The following SELENOI variants were observed in gnomAD, a reference collection of about 807,000 sequenced individuals.
The protein encoded by SELENOI is selenoprotein I, also known as ethanolaminephosphotransferase 1.
SELENOI carries 24 observed loss-of-function variants against 50.7 expected under a neutral mutation model. The ratio of observed to expected loss-of-function variants is 0.47; its 90% confidence interval spans 0.34 to 0.67. The LOEUF (loss-of-function observed/expected upper bound fraction) is 0.67. Among genes scored for constraint, SELENOI ranks in the 30% least tolerant of loss-of-function variants. SELENOI has a pLI of 0.01. For synonymous variants in SELENOI, 155 were observed against 170.2 expected, an observed-to-expected ratio of 0.91 and a Z score of 0.70; for missense variants, 352 against 461.4, an observed-to-expected ratio of 0.76 and a Z score of 2.17.
At position 26,392,110 on chromosome 2, in the gene SELENOI, A is replaced by G. The variant is rs2147966706; in HGVS notation, c.*3007A>G. The G allele has an allele frequency of 6.6e-6, 1 of 152,330 alleles. No homozygotes were observed. Among genetic ancestry groups the G allele is most frequent in the South Asian group, 2.1e-4 (1 of 4,830 alleles). 9.4% of individuals were successfully genotyped at this position (152,330 alleles called of 1,614,324 possible). ...ATACCATCATGTTATTTATTCTAAT[A>G]TAGAGGCATTGAGAGGAGGGGAGTG... is the stretch of plus-strand genomic sequence containing the variant. On this transcript the variant is annotated 3_prime_UTR_variant, in exon 10 of 10. Transcript: ENST00000260585.
At chr2:26,372,606 A>C (rs191583765) in intron 4 of SELENOI, among the ~76,000 whole-genome samples, 9 of 152,384 alleles carry the variant, frequency 5.9e-5, no homozygotes, top group Admixed American at 5.9e-4. Flanking sequence ...TTATGATTTC[A>C]AACAGGATAG....
chr2:26,347,580 A>C (rs1676824930), intron 1 of SELENOI, among the ~76,000 whole-genome samples: 1 of 152,118 alleles, frequency 6.6e-6, no homozygotes, highest in South Asian at 2.1e-4. Context: ...CTTCTTGGTA[A>C]CTCGGGCCAG....
intron 6 of SELENOI, among the ~76,000 whole-genome samples, chr2:26,379,878 T>C: frequency 6.6e-6 from 1 of 152,214 alleles, no homozygotes; most frequent in East Asian, 1.9e-4. Context: ...TGACACAGAA[T>C]ACTCATTTGC....
At chr2:26,360,838 C>T (rs1051636476) in intron 1 of SELENOI, among the ~76,000 whole-genome samples, 1 of 152,150 alleles carries the variant, frequency 6.6e-6, no homozygotes, top group Non-Finnish European at 1.5e-5. Flanking sequence ...GACTTAAATT[C>T]AGGCAGTCCT....
intron 1 of SELENOI, among the ~76,000 whole-genome samples, chr2:26,356,195 G>C (rs1677060870): frequency 6.6e-6 from 1 of 152,046 alleles, no homozygotes; most frequent in African/African-American, 2.4e-5. Context: ...ATCTCCCTCT[G>C]TTGCCCAGGC....
chr2:26,386,573 CT>C, intron 9 of SELENOI, 37 bp downstream of exon 9: 1 of 1,462,626 alleles, frequency 6.8e-7, no homozygotes, highest in Non-Finnish European at 9.1e-7. Flanking sequence ...CAATTTGGGG[CT>C]TATAAATGGC....
At chr2:26,388,060 C>A (rs1456229391) in intron 9 of SELENOI, among the ~76,000 whole-genome samples, 4 of 152,096 alleles carry the variant, frequency 2.6e-5, no homozygotes, top group Admixed American at 2.6e-4. Context: ...AAACTAGATA[C>A]AATTGTTAAG....
In SELENOI at chr2:26,346,225, G is replaced by C; in HGVS notation, c.-8G>C. 6.2e-7 allele frequency: 1 copy of C among 1,613,650 alleles called. No homozygotes were observed. On this transcript the variant is annotated 5_prime_UTR_variant, in exon 1 of 10. Transcript: ENST00000260585. The stretch of plus-strand genomic sequence containing the variant: ...GCTGCCGAGTGGGCGCTCAGTTTTC[G>C]GGTCGTCATGGCTGGCTACGAATAC...
intron 4 of SELENOI, among the ~76,000 whole-genome samples, chr2:26,368,035 A>T (rs1250500566): frequency 6.6e-6 from 1 of 152,182 alleles, no homozygotes; most frequent in African/African-American, 2.4e-5. Context: ...TATCGTAGAC[A>T]CTCGGTACAT....
intron 1 of SELENOI, among the ~76,000 whole-genome samples, chr2:26,352,783 C>T (rs1322458582): frequency 7.4e-6 from 1 of 134,736 alleles, no homozygotes; most frequent in Non-Finnish European, 1.6e-5. Context: ...GACTTCATCT[C>T]AATAATAATA....
In SELENOI at chr2:26,367,227, A is replaced by G; in HGVS notation, c.310+7A>G. On this transcript the variant is annotated splice_region_variant and intron_variant, in intron 4 of 9. Coordinates refer to ENST00000260585, the MANE Select transcript of SELENOI (RefSeq NM_033505.4). ...TTCGTAGCCTACACTCTAGGTAAGG[A>G]ATTGGTAAATACTTACTATAGTCAG... is the stretch of plus-strand genomic sequence containing the variant. The G allele has an allele frequency of 6.2e-7, 1 of 1,600,516 alleles. No individual in the cohort carries two copies. The highest frequency in any genetic ancestry group is 8.5e-7 in the Non-Finnish European group (1 of 1,172,340).
At chr2:26,369,250 A>T (rs1677356809) in intron 4 of SELENOI, among the ~76,000 whole-genome samples, 1 of 152,140 alleles carries the variant, frequency 6.6e-6, no homozygotes, top group Non-Finnish European at 1.5e-5. Context: ...CTACAGTCTT[A>T]GTTAAGATTC....
intron 6 of SELENOI, among the ~76,000 whole-genome samples, chr2:26,382,157 A>C (rs1247831965): frequency 6.6e-6 from 1 of 152,230 alleles, no homozygotes; most frequent in African/African-American, 2.4e-5. Context: ...AGATTATTAG[A>C]GTTTGTCCAA....
intron 1 of SELENOI, among the ~76,000 whole-genome samples, chr2:26,362,843 G>A (rs1474251347): frequency 6.6e-6 from 1 of 152,136 alleles, no homozygotes; most frequent in Admixed American, 6.5e-5. Flanking sequence ...TAATCACCCA[G>A]GTAATACTGT....
intron 1 of SELENOI, among the ~76,000 whole-genome samples, chr2:26,353,219 T>TA (rs907414546): frequency 3.9e-5 from 6 of 152,082 alleles, no homozygotes; most frequent in Admixed American, 1.3e-4. Context: ...TATAATTTTT[T>TA]AAAAAAATAC....
At chr2:26,348,996 C>CTTTTTTTTTTTTTTTTTTTT (rs869073468) in intron 1 of SELENOI, among the ~76,000 whole-genome samples, 1 of 57,690 alleles carries the variant, frequency 1.7e-5, no homozygotes, top group African/African-American at 4.8e-5. Flanking sequence ...TTTGGACAGG[C>CTTTTTTTTTTTTTTTTTTTT]TTTTTTTTTT....
intron 6 of SELENOI, among the ~76,000 whole-genome samples, chr2:26,380,699 C>G (rs2147960160): frequency 6.6e-6 from 1 of 152,228 alleles, no homozygotes; most frequent in African/African-American, 2.4e-5. Flanking sequence ...TTAAAATTAC[C>G]ATATTCCCCT....
chr2:26,376,241 T>C (rs1310755362), intron 6 of SELENOI, among the ~76,000 whole-genome samples: 2 of 152,344 alleles, frequency 1.3e-5, no homozygotes, highest in Non-Finnish European at 1.5e-5. Context: ...GTTTGGGCTT[T>C]TTTCTGTAGC....
Position 26,395,070 on chromosome 2 carries a change from G to A in SELENOI, c.*5967G>A, listed in dbSNP as rs1678059596. 1 of 152,170 alleles carries A rather than the reference G, an allele frequency of 6.6e-6. No homozygotes were observed. Among genetic ancestry groups the A allele is most frequent in the South Asian group, 2.1e-4 (1 of 4,826 alleles). 9.4% of individuals were successfully genotyped at this position (152,170 alleles called of 1,614,324 possible). On this transcript the variant is annotated 3_prime_UTR_variant, in exon 10 of 10. Transcript: ENST00000260585. The stretch of plus-strand genomic sequence containing the variant: ...AACATATTAGTCATTGGTCTGTCTG[G>A]GACGTGCAGTGTTCATAGTAGCAAT...
Sources: gnomAD v4.1 joint callset for allele counts (sites outside exome capture counted in the v4.1 genomes callset) on GRCh38, gnomAD v4.1.1 for gene constraint, MANE v1.5 for transcripts, NCBI Gene and HGNC (gene_info 2026-07-23, HGNC 2026-07-21) for gene names.